RBFOX1: variants seen among roughly 807,000 people sequenced by gnomAD.
RBFOX1 encodes the protein RNA binding fox-1 homolog 1, also known as RNA binding protein fox-1 homolog 1.
RBFOX1 carries 8 observed loss-of-function variants against 57.7 expected under a neutral mutation model. The observed-to-expected ratio is 0.14, with a 90% CI of 0.08 to 0.25. The LOEUF (loss-of-function observed/expected upper bound fraction) is 0.25, where lower values mean the gene tolerates loss of function less well. Ranked by LOEUF, RBFOX1 falls within the 10% of genes least tolerant of loss-of-function variation. The pLI is 1.00. For synonymous variants in RBFOX1, 326 were observed against 222.4 expected (o/e 1.47, Z -4.15); for missense variants, 611 against 548.5 (o/e 1.11, Z -1.14).
At chr16:6,838,886 A>G (rs1812839193) in intron 3 of RBFOX1, among the ~76,000 whole-genome samples, 1 of 152,130 alleles carries the variant, frequency 6.6e-6, no homozygotes, top group Admixed American at 6.6e-5. Flanking sequence ...ACCCACAGAA[A>G]AAGGATTCTT....
At chr16:7,504,201 T>G (rs768351444) in intron 4 of RBFOX1, among the ~76,000 whole-genome samples, 18 of 152,110 alleles carry the variant, frequency 1.2e-4, no homozygotes, top group Non-Finnish European at 2.2e-4. Flanking sequence ...ATTTATGAAA[T>G]GAAGATAAAG....
intron 2 of RBFOX1, among the ~76,000 whole-genome samples, chr16:6,346,440 C>G (rs553382905): frequency 6.6e-6 from 1 of 152,160 alleles, no homozygotes; most frequent in African/African-American, 2.4e-5. Context: ...CAGCCAATCA[C>G]GGCAGCTCAG....
intron 3 of RBFOX1, among the ~76,000 whole-genome samples, chr16:6,783,339 C>A (rs1186648931): frequency 7.0e-6 from 1 of 142,960 alleles, no homozygotes; most frequent in Non-Finnish European, 1.5e-5. Context: ...TTCTTGTCTT[C>A]CTTTCTATAT....
intron 3 of RBFOX1, among the ~76,000 whole-genome samples, chr16:6,791,344 T>C (rs1004401833): frequency 1.3e-5 from 2 of 152,246 alleles, no homozygotes; most frequent in African/African-American, 4.8e-5. Context: ...CATTTTAAAA[T>C]ACTTTGCATC....
chr16:7,385,015 G>C (rs1254121970), intron 4 of RBFOX1, among the ~76,000 whole-genome samples: 1 of 152,186 alleles, frequency 6.6e-6, no homozygotes, highest in Non-Finnish European at 1.5e-5. Flanking sequence ...CCAAGGCAGA[G>C]AGAAAGAACA....
intron 4 of RBFOX1, among the ~76,000 whole-genome samples, chr16:7,468,141 C>A (rs897090787): frequency 6.6e-6 from 1 of 152,124 alleles, no homozygotes; most frequent in African/African-American, 2.4e-5. Flanking sequence ...TGTGTGAAAA[C>A]CCTGGCATTA....
At chr16:5,703,627 T>A (rs970264773) in intron 3 of RBFOX1, among the ~76,000 whole-genome samples, 1 of 152,166 alleles carries the variant, frequency 6.6e-6, no homozygotes, top group African/African-American at 2.4e-5. Flanking sequence ...ATGCTTGCAT[T>A]TGGGTTTCAG....
intron 1 of RBFOX1, among the ~76,000 whole-genome samples, chr16:5,370,900 C>G (rs190363578): frequency 3.3e-5 from 5 of 152,332 alleles, no homozygotes; most frequent in African/African-American, 7.2e-5. Flanking sequence ...TTGTTATGAA[C>G]TGAGCAGTGT....
intron 4 of RBFOX1, among the ~76,000 whole-genome samples, chr16:7,089,036 C>G (rs2060413550): frequency 6.6e-6 from 1 of 152,132 alleles, no homozygotes; most frequent in Admixed American, 6.5e-5. Context: ...CTCTGCTGGT[C>G]TCTAGGTCTG....
intron 2 of RBFOX1, among the ~76,000 whole-genome samples, chr16:6,491,104 A>C (rs1354779250): frequency 1.3e-5 from 2 of 152,108 alleles, no homozygotes; most frequent in Non-Finnish European, 1.5e-5. Context: ...TTATACGTGT[A>C]TATATAGTTA....
intron 2 of RBFOX1, among the ~76,000 whole-genome samples, chr16:5,499,904 A>G (rs915576980): frequency 6.6e-6 from 1 of 151,462 alleles, no homozygotes; most frequent in Non-Finnish European, 1.5e-5. Flanking sequence ...CAAAATCCAC[A>G]CTCCTGATGG....
chr16:5,425,070 T>TATCC (rs1348824107), intron 1 of RBFOX1, among the ~76,000 whole-genome samples: 10 of 63,514 alleles, frequency 1.6e-4, no homozygotes, highest in African/African-American at 5.7e-4. Context: ...CTTTCTTATC[T>TATCC]ATCTATCTAT....
chr16:5,717,464 T>C (rs1482056107), intron 3 of RBFOX1, among the ~76,000 whole-genome samples: 1 of 152,300 alleles, frequency 6.6e-6, no homozygotes, highest in East Asian at 1.9e-4. Flanking sequence ...CCAAGCAGTG[T>C]GCACTGTATC....
intron 1 of RBFOX1, among the ~76,000 whole-genome samples, chr16:5,329,268 T>C (rs1345303928): frequency 6.6e-6 from 1 of 152,108 alleles, no homozygotes; most frequent in East Asian, 1.9e-4. Flanking sequence ...CCACAGGCTG[T>C]ACAGGAAGCA....
intron 4 of RBFOX1, among the ~76,000 whole-genome samples, chr16:7,056,097 G>T (rs2052136011): frequency 6.6e-6 from 1 of 152,094 alleles, no homozygotes; most frequent in Admixed American, 6.5e-5. Flanking sequence ...TCAGCATTAG[G>T]TGTGGGCAGC....
intron 3 of RBFOX1, among the ~76,000 whole-genome samples, chr16:6,990,693 C>T (rs184683818): frequency 7.9e-5 from 12 of 152,202 alleles, no homozygotes; most frequent in African/African-American, 2.4e-4. Flanking sequence ...TTTGCACCGA[C>T]CTAATAGTTG....
intron 1 of RBFOX1, among the ~76,000 whole-genome samples, chr16:6,231,727 G>A (rs1297670140): frequency 2.0e-5 from 3 of 151,950 alleles, no homozygotes; most frequent in Non-Finnish European, 2.9e-5. Flanking sequence ...AGCAAGTGGT[G>A]TTGTGTATGC....
intron 2 of RBFOX1, among the ~76,000 whole-genome samples, chr16:5,551,763 T>C (rs1209680838): frequency 1.3e-5 from 2 of 152,126 alleles, no homozygotes; most frequent in African/African-American, 2.4e-5. Context: ...ATGTATTATG[T>C]ATTTCTCCTA....
intron 1 of RBFOX1, among the ~76,000 whole-genome samples, chr16:5,338,767 C>A (rs898495370): frequency 6.6e-6 from 1 of 152,134 alleles, no homozygotes; most frequent in Admixed American, 6.5e-5. Flanking sequence ...CAGGCAATCC[C>A]CACTTTAGCC....
Sources: gnomAD v4.1 joint callset for allele counts (sites outside exome capture counted in the v4.1 genomes callset) on GRCh38, gnomAD v4.1.1 for gene constraint, MANE v1.5 for transcripts, NCBI Gene and HGNC (gene_info 2026-07-23, HGNC 2026-07-21) for gene names.